PCDH7: variants seen among roughly 807,000 people sequenced by gnomAD.
PCDH7 encodes the protein protocadherin-7.
In PCDH7, 17 loss-of-function variants were observed where a neutral mutation model predicts 58.9. The observed-to-expected ratio is 0.29, with a 90% confidence interval of 0.20 to 0.43. The LOEUF is 0.43. PCDH7 is among the 20% of genes least tolerant of loss of function. The pLI, the probability that PCDH7 is intolerant of heterozygous loss-of-function variation, is 1.00. For synonymous variants in PCDH7, 664 were observed against 616.4 expected, an observed-to-expected ratio of 1.08 and a Z score of -1.14; for missense variants, 1,274 against 1,441.0, an observed-to-expected ratio of 0.88 and a Z score of 1.88.
chr4:30,823,053 G>T (rs1044606809), intron 1 of PCDH7, among the ~76,000 whole-genome samples: 1 of 152,126 alleles, frequency 6.6e-6, no homozygotes, highest in Admixed American at 6.6e-5. Flanking sequence ...AGCTTTGCAC[G>T]GATATTCATC....
chr4:30,892,303 A>T (rs1738720277), intron 1 of PCDH7, among the ~76,000 whole-genome samples: 1 of 152,042 alleles, frequency 6.6e-6, no homozygotes, highest in East Asian at 1.9e-4. Flanking sequence ...TATTCTTAGA[A>T]AAATAAAGAA....
At chr4:30,829,942 A>G (rs544516861) in intron 1 of PCDH7, among the ~76,000 whole-genome samples, 45 of 152,228 alleles carry the variant, frequency 3.0e-4, no homozygotes, top group African/African-American at 1.1e-3. Flanking sequence ...AAAGCAGAGC[A>G]AATAGGCTAG....
intron 1 of PCDH7, among the ~76,000 whole-genome samples, chr4:30,817,898 C>A (rs985901226): frequency 1.3e-5 from 2 of 152,082 alleles, no homozygotes; most frequent in African/African-American, 2.4e-5. Context: ...TGCTTAGATG[C>A]CTCCAGAGAT....
chr4:30,964,613 A>AT (rs1421124557), intron 3 of PCDH7, among the ~76,000 whole-genome samples: 1 of 40,820 alleles, frequency 2.4e-5, no homozygotes, highest in African/African-American at 9.3e-5. Context: ...GCACAAATGG[A>AT]CTTTTTTTTT....
At chr4:31,097,411 G>GACACT (rs1415382563) in intron 3 of PCDH7, among the ~76,000 whole-genome samples, 1 of 149,790 alleles carries the variant, frequency 6.7e-6, no homozygotes, top group Non-Finnish European at 1.5e-5. Flanking sequence ...CTGAGATCAC[G>GACACT]CCACTCCACT....
In PCDH7 at chr4:30,828,542, GA is replaced by G. The variant is rs1729375308; in HGVS notation, c.71-91608del. ...CCATGAGAATGCATGTGTTCATCATGAAATCTAATTAGAGTGATACCAAAAA... is the reference window on the plus strand; with the variant it reads ...CCATGAGAATGCATGTGTTCATCATGAATCTAATTAGAGTGATACCAAAAA... On this transcript the variant is annotated intron_variant, in intron 1 of 3. Coordinates refer to the PCDH7 transcript ENST00000509759. Among the ~76,000 whole-genome samples the G allele has an allele frequency of 3.3e-5, 5 of 151,690 alleles. 1 individual carries two copies. In the South Asian group the frequency reaches 1.0e-3, roughly 32 times the overall value.
At chr4:30,973,745 C>A (rs1749805832) in intron 3 of PCDH7, among the ~76,000 whole-genome samples, 1 of 151,646 alleles carries the variant, frequency 6.6e-6, no homozygotes, top group Non-Finnish European at 1.5e-5. Context: ...TCCACTGTAT[C>A]CAATATGTGC....
chr4:30,884,462 A>G (rs757769409), intron 1 of PCDH7: 2 of 152,128 alleles, frequency 1.3e-5, no homozygotes, highest in African/African-American at 4.8e-5. Flanking sequence ...TTTATTTTCA[A>G]TTAGGGTAGT....
intron 3 of PCDH7, among the ~76,000 whole-genome samples, chr4:31,057,254 C>A (rs1390040977): frequency 6.6e-6 from 1 of 152,052 alleles, no homozygotes. Flanking sequence ...TTTCTGACTC[C>A]ATTTAAATAA....
chr4:31,087,380 AT>A (rs1712585634), intron 3 of PCDH7, among the ~76,000 whole-genome samples: 1 of 152,154 alleles, frequency 6.6e-6, no homozygotes, highest in African/African-American at 2.4e-5. Flanking sequence ...TTGATGAATG[AT>A]ACTATTCTTA....
At chr4:31,039,849 C>T (rs989179056) in intron 3 of PCDH7, among the ~76,000 whole-genome samples, 2 of 152,084 alleles carry the variant, frequency 1.3e-5, no homozygotes, top group African/African-American at 4.8e-5. Flanking sequence ...ATTATATCTT[C>T]AAAACAAAAT....
Position 31,056,240 on chromosome 4 carries a change from C to T in PCDH7, c.*8-86233C>T, listed in dbSNP as rs538527157. ...AAAATTAGCCTGGTGTGGTGGCATA[C>T]GCCTGTGGCCCCAGCTACTTGGGAT... On this transcript the variant is annotated intron_variant, in intron 3 of 3. Transcript: ENST00000509759. 3.7e-4 allele frequency among the ~76,000 whole-genome samples: 56 copies of T among 151,680 alleles called. 2 individuals are homozygous for T. The highest frequency in any genetic ancestry group is 1.0e-3 in the African/African-American group (43 of 41,348).
At chr4:30,947,322 A>G (rs1326960864) in intron 2 of PCDH7, among the ~76,000 whole-genome samples, 1 of 152,112 alleles carries the variant, frequency 6.6e-6, no homozygotes, top group African/African-American at 2.4e-5. Flanking sequence ...CTTTATCGTC[A>G]GTGCACTTAA....
chr4:31,045,348 A>G (rs1756195864), intron 3 of PCDH7, among the ~76,000 whole-genome samples: 1 of 151,864 alleles, frequency 6.6e-6, no homozygotes, highest in African/African-American at 2.4e-5. Context: ...TCAGGAAGTA[A>G]TTGTACACAG....
At chr4:31,127,736 A>G (rs926373323) in intron 3 of PCDH7, among the ~76,000 whole-genome samples, 4 of 152,138 alleles carry the variant, frequency 2.6e-5, no homozygotes, top group African/African-American at 9.7e-5. Flanking sequence ...ATTTTTAATA[A>G]GAATAAAACT....
chr4:30,887,525 T>C (rs1737982316), intron 1 of PCDH7, among the ~76,000 whole-genome samples: 1 of 152,156 alleles, frequency 6.6e-6, no homozygotes, highest in Admixed American at 6.5e-5. Context: ...CAGCAAAAGG[T>C]AGACACACAT....
At chr4:31,026,035 AC>A (rs1210985554) in intron 3 of PCDH7, among the ~76,000 whole-genome samples, 1 of 152,210 alleles carries the variant, frequency 6.6e-6, no homozygotes, top group Non-Finnish European at 1.5e-5. Flanking sequence ...CAAACAATTT[AC>A]CACGCACTGT....
chr4:31,108,141 G>A (rs1439251732), intron 3 of PCDH7, among the ~76,000 whole-genome samples: 1 of 151,618 alleles, frequency 6.6e-6, no homozygotes, highest in African/African-American at 2.4e-5. Context: ...AATTTCCAAG[G>A]CCAAAATAGA....
intron 1 of PCDH7, among the ~76,000 whole-genome samples, chr4:30,880,959 T>C (rs1736888945): frequency 6.6e-6 from 1 of 152,162 alleles, no homozygotes; most frequent in Non-Finnish European, 1.5e-5. Context: ...CTGTGTTACA[T>C]TCACTGTTTG....
Sources: gnomAD v4.1 joint callset for allele counts (sites outside exome capture counted in the v4.1 genomes callset) on GRCh38, gnomAD v4.1.1 for gene constraint, MANE v1.5 for transcripts, NCBI Gene and HGNC (gene_info 2026-07-23, HGNC 2026-07-21) for gene names.